Variants in AGBL4 observed in about 807,000 individuals in gnomAD.
The protein encoded by AGBL4 is AGBL carboxypeptidase 4, also known as cytosolic carboxypeptidase 6.
In AGBL4, 58 loss-of-function variants were observed where a neutral mutation model predicts 66.4. That is an observed-to-expected ratio of 0.87 (90% CI 0.71 to 1.09). The LOEUF (loss-of-function observed/expected upper bound fraction) is 1.09. Ranked by LOEUF, AGBL4 falls within the 50% of genes least tolerant of loss-of-function variation. The pLI, the probability that AGBL4 is intolerant of heterozygous loss-of-function variation, is 0.00. For missense variants in AGBL4, 579 were observed against 631.0 expected (o/e 0.92, Z 0.88); for synonymous variants, 234 against 222.9 (o/e 1.05, Z -0.44).
intron 2 of AGBL4, among the ~76,000 whole-genome samples, chr1:49,776,480 T>C (rs1288872549): frequency 1.3e-5 from 2 of 152,142 alleles, no homozygotes; most frequent in Non-Finnish European, 2.9e-5. Context: ...CCTTATATGA[T>C]GAGAGTCCTA....
At chr1:48,604,693 C>T (rs145065815) in intron 9 of AGBL4, among the ~76,000 whole-genome samples, 11 of 152,074 alleles carry the variant, frequency 7.2e-5, no homozygotes, top group African/African-American at 1.9e-4. Flanking sequence ...GGGATACTGG[C>T]GGGCTTTTCT....
At position 48,840,835 on chromosome 1, in the gene AGBL4, G is replaced by A. The variant is rs115193810; in HGVS notation, c.634+26356C>T. On this transcript the variant is annotated intron_variant, in intron 6 of 13. Transcript: ENST00000371839. ...TTCACAGAAGCTTTTATTCATAATC[G>A]CCAAAACTGCAAACAATTCAGATGG... Among the ~76,000 whole-genome samples the A allele has an allele frequency of 6.3e-3, 959 of 152,190 alleles. 8 individuals carry two copies. The highest frequency in any genetic ancestry group is 0.021 in the African/African-American group (883 of 41,532).
intron 2 of AGBL4, among the ~76,000 whole-genome samples, chr1:49,752,391 G>C (rs1344973343): frequency 6.6e-6 from 1 of 152,188 alleles, no homozygotes; most frequent in East Asian, 1.9e-4. Context: ...GGTTTTGAGT[G>C]AGTTTCTTAA....
intron 4 of AGBL4, among the ~76,000 whole-genome samples, chr1:49,175,599 G>A (rs1646816208): frequency 6.6e-6 from 1 of 152,066 alleles, no homozygotes; most frequent in Non-Finnish European, 1.5e-5. Flanking sequence ...GAATACAGGT[G>A]TTTTCTAAAG....
At chr1:49,868,442 A>C (rs183336084) in intron 1 of AGBL4, among the ~76,000 whole-genome samples, 1 of 151,034 alleles carries the variant, frequency 6.6e-6, no homozygotes, top group Non-Finnish European at 1.5e-5. Flanking sequence ...ATGGCACAGA[A>C]TAGAGAATTC....
chr1:49,832,970 T>G (rs894475705), intron 2 of AGBL4, among the ~76,000 whole-genome samples: 46 of 151,996 alleles, frequency 3.0e-4, no homozygotes, highest in African/African-American at 1.1e-3. Context: ...GGTAGTTTCT[T>G]TTGCTGTGCA....
At chr1:49,970,820 C>T (rs1205010113) in intron 1 of AGBL4, among the ~76,000 whole-genome samples, 1 of 149,584 alleles carries the variant, frequency 6.7e-6, no homozygotes, top group Non-Finnish European at 1.5e-5. Flanking sequence ...GTCAAAACGA[C>T]AGTGAGATAT....
rs547532479 is a variant in AGBL4, at chr1:49,267,440, G to C, written c.283-21576C>G. On this transcript the variant is annotated intron_variant, in intron 3 of 13. Coordinates refer to ENST00000371839, the MANE Select transcript of AGBL4 (RefSeq NM_032785.4). ...TCACGCCTATAATCCCAGCACTTTG[G>C]GAGGCCAAAGCGGGCAGATCACGAG... Among the ~76,000 whole-genome samples the C allele has an allele frequency of 2.0e-5, 3 of 152,236 alleles. No homozygotes were observed. In the East Asian group the frequency reaches 5.8e-4, roughly 29 times the overall value.
At chr1:48,657,877 C>T (rs138668065) in intron 7 of AGBL4, among the ~76,000 whole-genome samples, 57 of 152,326 alleles carry the variant, frequency 3.7e-4, no homozygotes, top group African/African-American at 1.3e-3. Flanking sequence ...GAGATTGAGG[C>T]TTACTTAAAC....
intron 5 of AGBL4, among the ~76,000 whole-genome samples, chr1:48,963,600 T>C (rs887419907): frequency 1.3e-5 from 2 of 151,748 alleles, no homozygotes; most frequent in African/African-American, 2.4e-5. Flanking sequence ...GGAACTCCCA[T>C]AGGGGCTCCT....
chr1:49,089,805 C>T (rs779081528), intron 4 of AGBL4, among the ~76,000 whole-genome samples: 2 of 152,044 alleles, frequency 1.3e-5, no homozygotes, highest in Non-Finnish European at 2.9e-5. Context: ...CAAAATAAAA[C>T]TTCAGGCCAG....
At chr1:49,114,207 T>C (rs138778460) in intron 4 of AGBL4, among the ~76,000 whole-genome samples, 12 of 152,368 alleles carry the variant, frequency 7.9e-5, no homozygotes, top group Non-Finnish European at 1.6e-4. Flanking sequence ...ATCTTTTGGA[T>C]AACCTGTTGC....
chr1:48,723,776 A>C (rs1352130256), intron 6 of AGBL4, among the ~76,000 whole-genome samples: 1 of 152,242 alleles, frequency 6.6e-6, no homozygotes, highest in Non-Finnish European at 1.5e-5. Context: ...CATTATATAT[A>C]TCAAGAGTGA....
At chr1:49,419,370 A>C (rs1645494791) in intron 3 of AGBL4, among the ~76,000 whole-genome samples, 1 of 152,210 alleles carries the variant, frequency 6.6e-6, no homozygotes, top group Admixed American at 6.5e-5. Flanking sequence ...TATCGGTAAC[A>C]TAGTTCACAT....
intron 2 of AGBL4, among the ~76,000 whole-genome samples, chr1:49,792,913 C>G (rs1644636871): frequency 6.6e-6 from 1 of 151,990 alleles, no homozygotes; most frequent in Non-Finnish European, 1.5e-5. Flanking sequence ...TTTCTAGACT[C>G]AAATTTCTTA....
At chr1:48,682,273 C>T (rs1646467104) in intron 6 of AGBL4, among the ~76,000 whole-genome samples, 1 of 152,250 alleles carries the variant, frequency 6.6e-6, no homozygotes, top group Admixed American at 6.5e-5. Flanking sequence ...CAAAGTCATA[C>T]AGAGGGCCAG....
intron 2 of AGBL4, among the ~76,000 whole-genome samples, chr1:49,801,342 A>C (rs558511295): frequency 2.2e-4 from 33 of 152,354 alleles, no homozygotes; most frequent in African/African-American, 7.9e-4. Context: ...CTCAACCCTC[A>C]GATGAGATTA....
At chr1:49,972,107 CG>C (rs1440430173) in intron 1 of AGBL4, among the ~76,000 whole-genome samples, 1 of 150,770 alleles carries the variant, frequency 6.6e-6, no homozygotes, top group African/African-American at 2.4e-5. Flanking sequence ...TCAGTAGAGA[CG>C]GGGTTTCACC....
At chr1:48,680,276 T>G (rs1646434145) in intron 6 of AGBL4, among the ~76,000 whole-genome samples, 1 of 152,214 alleles carries the variant, frequency 6.6e-6, no homozygotes, top group Non-Finnish European at 1.5e-5. Flanking sequence ...TTCTAATTAA[T>G]GTGCAGCACA....
Sources: gnomAD v4.1 joint callset for allele counts (sites outside exome capture counted in the v4.1 genomes callset) on GRCh38, gnomAD v4.1.1 for gene constraint, MANE v1.5 for transcripts, NCBI Gene and HGNC (gene_info 2026-07-23, HGNC 2026-07-21) for gene names.